Variants in DET1 observed in about 807,000 individuals in gnomAD.
DET1 encodes the protein DET1 homolog.
A neutral mutation model predicts 43.7 loss-of-function variants in DET1; 22 were observed. The ratio of observed to expected loss-of-function variants is 0.50; its 90% confidence interval spans 0.36 to 0.72. DET1 has a LOEUF of 0.72. Ranked by LOEUF, DET1 falls within the 30% of genes least tolerant of loss-of-function variation. The probability of loss-of-function intolerance (pLI) is 0.00; values close to 1 mark genes in which losing one functional copy is unlikely to be tolerated. For synonymous variants in DET1, 315 were observed against 266.2 expected, an observed-to-expected ratio of 1.18 and a Z score of -1.79; for missense variants, 713 against 713.3, an observed-to-expected ratio of 1.00 and a Z score of 0.00.
intron 1 of DET1, among the ~76,000 whole-genome samples, chr15:88,539,835 G>A (rs1243811262): frequency 2.6e-5 from 4 of 152,170 alleles, no homozygotes; most frequent in Admixed American, 1.3e-4. Flanking sequence ...CCAAGTGATT[G>A]GACCTCCTCT....
At chr15:88,509,057 C>A (rs1366915591), downstream of DET1, among the ~76,000 whole-genome samples, 1 of 152,146 alleles carries the variant, frequency 6.6e-6, no homozygotes, top group East Asian at 1.9e-4. Flanking sequence ...AGGCAGGGAA[C>A]AAGTACAGAT....
In DET1 at chr15:88,529,676, G is replaced by A. The variant is rs372719525; in HGVS notation, c.1083+947C>T. Among the ~76,000 whole-genome samples the A allele has an allele frequency of 6.7e-4, 102 of 152,318 alleles. 1 individual carries two copies. The highest frequency in any genetic ancestry group is 2.3e-3 in the African/African-American group (96 of 41,570). On this transcript the variant is annotated intron_variant, in intron 2 of 4. Transcript: ENST00000268148. ...TCAATAAGAGATACCAAACTCAGTT[G>A]ACTTCGTGGTTTACTGATTTGCTGG...
At chr15:88,533,852 T>TAAAAAAAAAAAAAAAAAAAAA (rs368408722) in intron 1 of DET1, among the ~76,000 whole-genome samples, 5 of 39,216 alleles carry the variant, frequency 1.3e-4, no homozygotes, top group Admixed American at 3.4e-4. Context: ...ACCCAATCTC[T>TAAAAAAAAAAAAAAAAAAAAA]AAAAAAAAAA....
chr15:88,538,458 T>C (rs2057007804), intron 1 of DET1, among the ~76,000 whole-genome samples: 1 of 151,354 alleles, frequency 6.6e-6, no homozygotes, highest in Admixed American at 6.6e-5. Flanking sequence ...ACTACCTAAC[T>C]TCTGTAAAAT....
chr15:88,536,233 T>C (rs1392644020), intron 1 of DET1: 2 of 711,792 alleles, frequency 2.8e-6, no homozygotes, highest in African/African-American at 3.5e-5. Flanking sequence ...CCAGGCACCT[T>C]ACGTCTGCCC....
intron 1 of DET1, among the ~76,000 whole-genome samples, chr15:88,544,565 C>T (rs2057196809): frequency 6.6e-6 from 1 of 152,148 alleles, no homozygotes; most frequent in African/African-American, 2.4e-5. Context: ...TCGTTCCAGC[C>T]AGGAGAACTA....
intron 1 of DET1, among the ~76,000 whole-genome samples, chr15:88,535,568 C>T (rs971217308): frequency 6.6e-6 from 1 of 152,016 alleles, no homozygotes; most frequent in East Asian, 1.9e-4. Context: ...CCAGCCTGGG[C>T]ATCATGGCAA....
At chr15:88,544,628 TTCACACCGTCATCC>T (rs2057198796) in intron 1 of DET1, among the ~76,000 whole-genome samples, 1 of 152,164 alleles carries the variant, frequency 6.6e-6, no homozygotes, top group South Asian at 2.1e-4. Flanking sequence ...TTGAAAAGAC[TTCACACCGTCATCC>T]TCACGCCAAT....
intron 1 of DET1, among the ~76,000 whole-genome samples, chr15:88,539,681 TG>T (rs925623717): frequency 6.6e-6 from 1 of 152,156 alleles, no homozygotes; most frequent in African/African-American, 2.4e-5. Flanking sequence ...TCTCATCGGT[TG>T]TTCAGGCTGG....
downstream of DET1, chr15:88,512,369 A>G: frequency 1.0e-6 from 1 of 985,378 alleles, no homozygotes; most frequent in Non-Finnish European, 1.2e-6. Context: ...TCTCCCAGGA[A>G]CAGCTGCTGC....
chr15:88,536,563 AG>A (rs1231158957), intron 1 of DET1, among the ~76,000 whole-genome samples: 2 of 152,078 alleles, frequency 1.3e-5, no homozygotes, highest in Non-Finnish European at 2.9e-5. Flanking sequence ...GGAGGTCACA[AG>A]GTCAGGAGTT....
chr15:88,508,189 T>A (rs972416759), downstream of DET1, among the ~76,000 whole-genome samples: 2 of 152,244 alleles, frequency 1.3e-5, no homozygotes, highest in African/African-American at 4.8e-5. Flanking sequence ...TATAATTATT[T>A]CATTATATAT....
intron 3 of DET1, among the ~76,000 whole-genome samples, chr15:88,518,635 G>A (rs2056410987): frequency 6.6e-6 from 1 of 152,078 alleles, no homozygotes; most frequent in Non-Finnish European, 1.5e-5. Flanking sequence ...CTGTCTATCA[G>A]TATATATTTT....
chr15:88,509,947 CTG>C (rs2056179902), downstream of DET1, among the ~76,000 whole-genome samples: 1 of 152,242 alleles, frequency 6.6e-6, no homozygotes, highest in Non-Finnish European at 1.5e-5. Context: ...GTCCTTCAGG[CTG>C]TGTGTGGCAG....
intron 3 of DET1, among the ~76,000 whole-genome samples, chr15:88,522,336 T>C (rs1180205374): frequency 1.3e-5 from 2 of 152,090 alleles, no homozygotes; most frequent in East Asian, 3.9e-4. Context: ...CCACTGCTTC[T>C]TCAGGAATTA....
At position 88,512,599 on chromosome 15, in the gene DET1, G is replaced by A; in HGVS notation, c.*352C>T. 9.7e-7 allele frequency: 1 copy of A among 1,026,852 alleles called. No individual in the cohort carries two copies. Among genetic ancestry groups the A allele is most frequent in the Non-Finnish European group, 1.2e-6 (1 of 857,006 alleles). 63.6% of individuals were successfully genotyped at this position (1,026,852 alleles called of 1,614,324 possible). On this transcript the variant is annotated 3_prime_UTR_variant, in exon 5 of 5. Coordinates refer to ENST00000268148, the MANE Select transcript of DET1 (RefSeq NM_001144074.3). ...AAACAAGATTTAACTGCTTTCAGAT[G>A]CAAACCATAATGCCGAAGAAGTGAC...
At chr15:88,517,472 C>T (rs967070801) in intron 3 of DET1, among the ~76,000 whole-genome samples, 1 of 152,012 alleles carries the variant, frequency 6.6e-6, no homozygotes, top group African/African-American at 2.4e-5. Flanking sequence ...CTGATCTGCC[C>T]GCCTTGGCCT....
Position 88,542,548 on chromosome 15 carries a change from G to A in DET1, c.-11+3992C>T, listed in dbSNP as rs189771741. ...GGCATTTGAGGCTCAGGCAGCCCTG[G>A]ACATTAAGAGAAAGCTCCAGAAACT... On this transcript the variant is annotated intron_variant, in intron 1 of 4. Coordinates refer to ENST00000268148, the MANE Select transcript of DET1 (RefSeq NM_001144074.3). Among the ~76,000 whole-genome samples, 462 of 152,256 alleles carry A rather than the reference G, an allele frequency of 3.0e-3. 3 individuals carry two copies. The highest frequency in any genetic ancestry group is 6.8e-3 in the Middle Eastern group (2 of 294).
Position 88,531,971 on chromosome 15 carries a change from A to T in DET1, c.-10-256T>A. On this transcript the variant is annotated intron_variant, in intron 1 of 4. Transcript: ENST00000268148. This position sits in a 1 kb window ranked among gnomAD's most constrained non-coding sequence, Gnocchi z 6.2. ...GTATGCTCAGCTGTTGGGAAAGTTC[A>T]ACAGAAAAAAACCTACAACTACAAA... 1 of 430,458 alleles carries T rather than the reference A, an allele frequency of 2.3e-6. No homozygotes were observed. The highest frequency in any genetic ancestry group is 4.1e-6 in the Non-Finnish European group (1 of 242,452). 26.7% of individuals were successfully genotyped at this position (430,458 alleles called of 1,614,324 possible).
Sources: allele counts gnomAD v4.1 joint callset (sites outside exome capture counted in the v4.1 genomes callset), GRCh38; gene constraint gnomAD v4.1.1; non-coding constraint Gnocchi (gnomAD v3.1); transcripts MANE v1.5; gene names NCBI Gene and HGNC (gene_info 2026-07-23, HGNC 2026-07-21).